GABRB1: variants seen among roughly 807,000 people sequenced by gnomAD.
The protein encoded by GABRB1 is gamma-aminobutyric acid receptor subunit beta-1.
A neutral mutation model predicts 51.6 loss-of-function variants in GABRB1; 17 were observed. That is an observed-to-expected ratio of 0.33 (90% confidence interval 0.23 to 0.49). GABRB1 has a LOEUF of 0.49. Among genes scored for constraint, GABRB1 ranks in the 20% least tolerant of loss-of-function variants. The pLI is 0.99. For synonymous variants in GABRB1, 247 were observed against 218.9 expected (o/e 1.13, Z -1.14); for missense variants, 410 against 600.6 (o/e 0.68, Z 3.32).
chr4:47,264,662 T>TTCCATTTAATAAGTGA (rs1722577289), intron 4 of GABRB1, among the ~76,000 whole-genome samples: 1 of 152,254 alleles, frequency 6.6e-6, no homozygotes, highest in Non-Finnish European at 1.5e-5. Context: ...GAGGTATAAT[T>TTCCATTTAATAAGTGA]TCCATTTAAT....
chr4:47,123,257 GTA>G (rs1421033850), intron 3 of GABRB1, among the ~76,000 whole-genome samples: 1 of 143,332 alleles, frequency 7.0e-6, no homozygotes, highest in African/African-American at 2.6e-5. Flanking sequence ...ATACATATGT[GTA>G]TGTGTGTGTG....
At chr4:47,219,496 C>G (rs1390804648) in intron 4 of GABRB1, among the ~76,000 whole-genome samples, 3 of 151,878 alleles carry the variant, frequency 2.0e-5, no homozygotes, top group African/African-American at 7.2e-5. Context: ...TTCTCTTAAG[C>G]AACCACAGCT....
At chr4:47,254,726 C>G (rs887318495) in intron 4 of GABRB1, among the ~76,000 whole-genome samples, 1 of 152,116 alleles carries the variant, frequency 6.6e-6, no homozygotes, top group Admixed American at 6.5e-5. Context: ...TGTGCAATTA[C>G]TTTACCAATA....
chr4:47,058,242 A>G (rs1726702418), intron 3 of GABRB1, among the ~76,000 whole-genome samples: 1 of 152,224 alleles, frequency 6.6e-6, no homozygotes, highest in African/African-American at 2.4e-5. Context: ...CATCATTCAA[A>G]AAGCTCTTAG....
intron 4 of GABRB1, among the ~76,000 whole-genome samples, chr4:47,179,058 T>A (rs1011535470): frequency 6.6e-6 from 1 of 152,110 alleles, no homozygotes; most frequent in African/African-American, 2.4e-5. Flanking sequence ...GGTGGTTTGC[T>A]GCACCCATCA....
At chr4:47,217,088 A>C (rs1395229886) in intron 4 of GABRB1, among the ~76,000 whole-genome samples, 1 of 151,940 alleles carries the variant, frequency 6.6e-6, no homozygotes, top group Non-Finnish European at 1.5e-5. Context: ...TAAATAGGCA[A>C]GACATAGTAC....
intron 4 of GABRB1, among the ~76,000 whole-genome samples, chr4:47,192,142 A>T (rs1719463420): frequency 6.6e-6 from 1 of 152,074 alleles, no homozygotes; most frequent in Non-Finnish European, 1.5e-5. Flanking sequence ...ATAAGATGGA[A>T]TCGTACATTT....
intron 4 of GABRB1, among the ~76,000 whole-genome samples, chr4:47,181,838 G>A (rs144395223): frequency 6.6e-6 from 1 of 152,090 alleles, no homozygotes; most frequent in East Asian, 1.9e-4. Flanking sequence ...TTTCCTGCAA[G>A]CATCATGGGT....
At chr4:47,260,530 A>C (rs886807508) in intron 4 of GABRB1, among the ~76,000 whole-genome samples, 8 of 152,178 alleles carry the variant, frequency 5.3e-5, no homozygotes, top group African/African-American at 1.9e-4. Flanking sequence ...TGGTGGTGAC[A>C]AAATCTCTCA....
At chr4:47,146,104 T>C (rs1717159213) in intron 3 of GABRB1, among the ~76,000 whole-genome samples, 1 of 152,058 alleles carries the variant, frequency 6.6e-6, no homozygotes, top group South Asian at 2.1e-4. Flanking sequence ...CAGGTATCAC[T>C]TTAGCGGTCA....
intron 5 of GABRB1, among the ~76,000 whole-genome samples, chr4:47,395,319 A>G (rs924960554): frequency 2.0e-5 from 3 of 152,182 alleles, no homozygotes; most frequent in Admixed American, 2.0e-4. Context: ...ATGTCTTACC[A>G]TGGTGCAGCA....
intron 3 of GABRB1, among the ~76,000 whole-genome samples, chr4:47,052,600 G>A (rs966629769): frequency 2.0e-4 from 31 of 152,176 alleles, no homozygotes; most frequent in African/African-American, 7.2e-4. Context: ...TTTAAAATAT[G>A]GTAGATGGTG....
chr4:47,057,267 A>G (rs1345775329), intron 3 of GABRB1, among the ~76,000 whole-genome samples: 2 of 152,214 alleles, frequency 1.3e-5, no homozygotes, highest in African/African-American at 2.4e-5. Flanking sequence ...CTTGTAAAAA[A>G]GGACATGGTA....
chr4:47,365,707 G>A (rs532573352), intron 5 of GABRB1, among the ~76,000 whole-genome samples: 2 of 152,104 alleles, frequency 1.3e-5, no homozygotes, highest in Non-Finnish European at 2.9e-5. Flanking sequence ...TGAGATCAAG[G>A]TATTTATTCC....
intron 3 of GABRB1, among the ~76,000 whole-genome samples, chr4:47,121,858 A>C (rs752038046): frequency 9.2e-5 from 14 of 152,152 alleles, no homozygotes; most frequent in Non-Finnish European, 1.5e-4. Context: ...AATATGTTTT[A>C]TCAAGCAATC....
chr4:47,189,102 A>G (rs1010368160), intron 4 of GABRB1, among the ~76,000 whole-genome samples: 2 of 151,996 alleles, frequency 1.3e-5, no homozygotes, highest in African/African-American at 4.8e-5. Flanking sequence ...TCCAAGGAAG[A>G]TTAAGAAATA....
At chr4:47,096,600 T>C (rs1714450230) in intron 3 of GABRB1, among the ~76,000 whole-genome samples, 1 of 152,130 alleles carries the variant, frequency 6.6e-6, no homozygotes, top group South Asian at 2.1e-4. Context: ...GACCTTGAGA[T>C]GGGGAGAGTA....
At chr4:47,199,715 C>G (rs918991800) in intron 4 of GABRB1, among the ~76,000 whole-genome samples, 2 of 152,118 alleles carry the variant, frequency 1.3e-5, no homozygotes, top group Non-Finnish European at 2.9e-5. Flanking sequence ...TGCAAGTTCT[C>G]TTTTAATGTA....
At chr4:47,071,343 C>T (rs557029509) in intron 3 of GABRB1, among the ~76,000 whole-genome samples, 2 of 152,284 alleles carry the variant, frequency 1.3e-5, no homozygotes, top group African/African-American at 4.8e-5. Context: ...CATGTTCCTC[C>T]TTTGCTCCCA....
Sources: allele counts gnomAD v4.1 joint callset (sites outside exome capture counted in the v4.1 genomes callset), GRCh38; gene constraint gnomAD v4.1.1; transcripts MANE v1.5; gene names NCBI Gene and HGNC (gene_info 2026-07-23, HGNC 2026-07-21).